Variants in LRP5 observed in about 807,000 individuals in gnomAD.
LRP5 encodes LDL receptor related protein 5.
LRP5 carries 62 observed loss-of-function variants against 154.1 expected under a neutral mutation model. The observed-to-expected ratio is 0.40, with a 90% confidence interval of 0.33 to 0.50. The LOEUF (loss-of-function observed/expected upper bound fraction) is 0.50. Ranked by LOEUF, LRP5 falls within the 20% of genes least tolerant of loss-of-function variation. The probability of loss-of-function intolerance (pLI) is 0.55; values close to 1 mark genes in which losing one functional copy is unlikely to be tolerated. For missense variants in LRP5, 1,915 were observed against 2,336.7 expected (o/e 0.82, Z 3.72); for synonymous variants, 966 against 1,011.5 (o/e 0.96, Z 0.85).
chr11:68,434,296 TC>T (rs1397766392), intron 18 of LRP5, among the ~76,000 whole-genome samples: 3 of 152,220 alleles, frequency 2.0e-5, no homozygotes, highest in African/African-American at 7.2e-5. Context: ...AGCAGGATCT[TC>T]CTTTAGATCT....
the LRP5 span, among the ~76,000 whole-genome samples, chr11:68,306,727 C>G: frequency 6.6e-6 from 1 of 152,198 alleles, no homozygotes; most frequent in Non-Finnish European, 1.5e-5. Context: ...GACCAGACTA[C>G]TTAGTTTTAT....
Position 68,403,533 on chromosome 11 carries a change from C to A in LRP5, c.1635C>A (p.Leu545=). 1 of 1,614,162 alleles carries A rather than the reference C, an allele frequency of 6.2e-7. No individual in the cohort carries two copies. The highest frequency in any genetic ancestry group is 1.6e-4 in the Middle Eastern group (1 of 6,062). The change falls in exon 8 of 23, where the codon CTC becomes CTA. Residue 545 remains leucine (L), a synonymous_variant. Coordinates refer to ENST00000294304, the MANE Select transcript of LRP5 (RefSeq NM_002335.4). ...GGCGGACCCTCCTGGAGGACAAGCT[C>A]CCGCACATTTTTGGGTTCACGCTGC... The part of the protein sequence containing the change: ...TKRRTLLEDK[L]PHIFGFTLLG...
Position 68,413,703 on chromosome 11 carries a change from G to A in LRP5, c.2518G>A (p.Val840Met), listed in dbSNP as rs757262154. 1.5e-5 allele frequency: 25 copies of A among 1,613,640 alleles called. No homozygotes were observed. In the Admixed American group the frequency reaches 2.7e-4, roughly 17 times the overall value. ...SSNMLGQERVVIADDLPHPFG... is the reference protein window; with the variant it reads ...SSNMLGQERVMIADDLPHPFG... ...TGTTCATGCAGGTCAGGAGCGGGTC[G>A]TGATTGCCGACGATCTCCCGCACCC... Residue 840 changes from valine (V) to methionine (M), a missense_variant, in exon 12 of 23, where the codon GTG becomes ATG. Physicochemically the swap from Val to Met is conservative, Grantham distance 21. Transcript: ENST00000294304. This position sits in a 1 kb window ranked among gnomAD's most constrained non-coding sequence, Gnocchi z 5.1.
At position 68,423,806 on chromosome 11, in the gene LRP5, T is replaced by TCC; in HGVS notation, c.3236+110_3236+111dup. ...CTGGGGAGACTTTCCACCCTGGGGA[T>TCC]CCAATGGGTGGCTTTCCAGGGTCCC... On this transcript the variant is annotated intron_variant, in intron 14 of 22. Coordinates refer to ENST00000294304, the MANE Select transcript of LRP5 (RefSeq NM_002335.4). This position sits in a 1 kb window ranked among gnomAD's most constrained non-coding sequence, Gnocchi z 4.7. 1 of 1,092,294 alleles carries TCC rather than the reference T, an allele frequency of 9.2e-7. No individual in the cohort carries two copies. The allele number at this position is 1,092,294 out of a possible 1,614,324, so 67.7% of individuals were successfully genotyped here.
At position 68,429,706 on chromosome 11, in the gene LRP5, T is replaced by C. The variant is rs755708517; in HGVS notation, c.3763+6T>C. 1.9e-6 allele frequency: 3 copies of C among 1,614,080 alleles called. No homozygotes were observed. Among genetic ancestry groups the C allele is most frequent in the Non-Finnish European group, 2.5e-6 (3 of 1,180,028 alleles). ...GAACCTGCTGACCTGTGGAGGTAGG[T>C]GTGACCTAGGTGCTCCTTTGGGGTG... is the stretch of plus-strand genomic sequence containing the variant. On this transcript the variant is annotated splice_donor_region_variant and intron_variant, in intron 17 of 22. Transcript: ENST00000294304.
chr11:68,331,958 T>C (rs2098603076), intron 1 of LRP5, among the ~76,000 whole-genome samples: 1 of 151,762 alleles, frequency 6.6e-6, no homozygotes, highest in East Asian at 1.9e-4. Context: ...GCTGTCTGGG[T>C]GACTGGGCTG....
intron 8 of LRP5, among the ~76,000 whole-genome samples, chr11:68,406,297 A>G (rs2153164461): frequency 1.3e-5 from 2 of 152,236 alleles, no homozygotes; most frequent in Middle Eastern, 3.4e-3. Context: ...AGCTGTGCAC[A>G]TTGGAGCTTT....
chr11:68,424,985 C>A, intron 14 of LRP5, 117 bp from the exon 15 acceptor site: 1 of 799,784 alleles, frequency 1.3e-6, no homozygotes, highest in Non-Finnish European at 2.1e-6. Context: ...GACCTGTCAG[C>A]CTCGGGCAGC....
chr11:68,376,114 T>TA (rs983222602), intron 5 of LRP5, among the ~76,000 whole-genome samples: 5 of 151,224 alleles, frequency 3.3e-5, no homozygotes, highest in Admixed American at 2.0e-4. Flanking sequence ...CTGAGCCCTA[T>TA]ACCCAGGCAC....
chr11:68,387,578 C>T (rs1379810272), intron 6 of LRP5, among the ~76,000 whole-genome samples: 3 of 152,164 alleles, frequency 2.0e-5, no homozygotes, highest in Non-Finnish European at 4.4e-5. Context: ...GGCAGCGTGG[C>T]TCCAGCTTTC....
At chr11:68,346,046 G>A (rs1374869787) in intron 1 of LRP5, among the ~76,000 whole-genome samples, 2 of 152,120 alleles carry the variant, frequency 1.3e-5, no homozygotes, top group African/African-American at 2.4e-5. Context: ...AGTTTTAGGA[G>A]TTCTCTGTAT....
chr11:68,374,282 G>A (rs547038187), intron 5 of LRP5, among the ~76,000 whole-genome samples: 7 of 152,312 alleles, frequency 4.6e-5, no homozygotes, highest in Admixed American at 6.5e-5. Flanking sequence ...GCCGAATAAC[G>A]GGCGTTTGTT....
intron 1 of LRP5, among the ~76,000 whole-genome samples, chr11:68,326,414 C>T (rs2153116361): frequency 6.6e-6 from 1 of 152,356 alleles, no homozygotes; most frequent in East Asian, 1.9e-4. Context: ...CCCCCTGCAT[C>T]AGCGCCTCCC....
At position 68,413,866 on chromosome 11, in the gene LRP5, T is replaced by C; in HGVS notation, c.2681T>C (p.Val894Ala). ...CTGGACTTCGTGATGGACATCCTGGTGTTCCACTCCTCCCGCCAGGATGGC... is the reference window on the plus strand; with the variant it reads ...CTGGACTTCGTGATGGACATCCTGGCGTTCCACTCCTCCCGCCAGGATGGC... ...GHLDFVMDIL[V>A]FHSSRQDGLN... The change falls in exon 12 of 23, where the codon GTG becomes GCG. Residue 894 changes from valine to alanine, a missense_variant. By Grantham distance (64) the Val-to-Ala change is moderately conservative (BLOSUM62 0). Coordinates refer to ENST00000294304, the MANE Select transcript of LRP5 (RefSeq NM_002335.4). The surrounding 1 kb of genome is among the most constrained non-coding windows in gnomAD (Gnocchi z 5.1). 6.2e-7 allele frequency: 1 copy of C among 1,613,502 alleles called. No individual in the cohort carries two copies. Among genetic ancestry groups the C allele is most frequent in the Non-Finnish European group, 8.5e-7 (1 of 1,180,024 alleles).
rs546780587 is a variant in LRP5 at position 68,445,724 on chromosome 11, G to C, written c.4489-712G>C. ...GTGGGTGTGTGGGCCCAGGGCCCCTGGTCCCTTCCTCCCTTTGTAGGGCTG... is the reference window on the plus strand; with the variant it reads ...GTGGGTGTGTGGGCCCAGGGCCCCTCGTCCCTTCCTCCCTTTGTAGGGCTG... On this transcript the variant is annotated intron_variant, in intron 21 of 22. Coordinates refer to ENST00000294304, the MANE Select transcript of LRP5 (RefSeq NM_002335.4). 8.1e-5 allele frequency: 99 copies of C among 1,221,866 alleles called. No homozygotes were observed. The African/African-American group carries it at 1.5e-3, about 18-fold the overall frequency. The allele number at this position is 1,221,866 out of a possible 1,614,324, so 75.7% of individuals were successfully genotyped here.
chr11:68,429,740 G>A (rs1041123631), intron 17 of LRP5, 40 bp downstream of exon 17: 9 of 1,613,268 alleles, frequency 5.6e-6, no homozygotes, highest in Non-Finnish European at 6.8e-6. Flanking sequence ...TGATGGACAG[G>A]TACCTGATTC....
At position 68,413,023 on chromosome 11, in the gene LRP5, C is replaced by T. The variant is rs1020417239; in HGVS notation, c.2504-666C>T. ...TGGTTGTCGCTGGGGGTGGGCTGCA[C>T]CCTGACTTGTGAGGCCAGTAGCAAG... On this transcript the variant is annotated intron_variant, in intron 11 of 22. Transcript: ENST00000294304. The surrounding 1 kb of genome is among the most constrained non-coding windows in gnomAD (Gnocchi z 5.1). 1.6e-5 allele frequency: 3 copies of T among 181,876 alleles called. No homozygotes were observed. The highest frequency in any genetic ancestry group is 7.1e-5 in the African/African-American group (3 of 42,346). The allele number at this position is 181,876 out of a possible 1,614,324, so 11.3% of individuals were successfully genotyped here. A position where few individuals can be genotyped will look rare whatever the true frequency, so the allele number is the denominator to read the frequency against.
chr11:68,426,928 T>G (rs2098669101), intron 16 of LRP5, among the ~76,000 whole-genome samples: 1 of 152,198 alleles, frequency 6.6e-6, no homozygotes, highest in African/African-American at 2.4e-5. Context: ...TCTCTGGTTA[T>G]TGGTCGGGGA....
intron 19 of LRP5, among the ~76,000 whole-genome samples, chr11:68,437,435 T>G (rs2098675651): frequency 6.6e-6 from 1 of 152,196 alleles, no homozygotes; most frequent in Non-Finnish European, 1.5e-5. Flanking sequence ...GCTCCTCAAA[T>G]AGCATGACCT....
Sources: gnomAD v4.1 joint callset for allele counts (sites outside exome capture counted in the v4.1 genomes callset) on GRCh38, gnomAD v4.1.1 for gene constraint, Gnocchi (gnomAD v3.1) non-coding constraint, MANE v1.5 for transcripts, NCBI Gene and HGNC (gene_info 2026-07-23, HGNC 2026-07-21) for gene names.